Variants in VRK2 observed in about 807,000 individuals in gnomAD.
VRK2 encodes VRK serine/threonine kinase 2, also known as serine/threonine-protein kinase VRK2.
Under a neutral mutation model 57.6 loss-of-function variants are expected in VRK2, and 60 were observed. The ratio of observed to expected loss-of-function variants is 1.04; its 90% CI spans 0.85 to 1.29. The LOEUF is 1.29. VRK2 is among the 50% of genes most tolerant of loss of function. The probability of loss-of-function intolerance (pLI) is 0.00; values close to 1 mark genes in which losing one functional copy is unlikely to be tolerated. For missense variants in VRK2, 705 were observed against 588.1 expected (o/e 1.20, Z -2.06); for synonymous variants, 231 against 199.2 (o/e 1.16, Z -1.35).
At chr2:57,923,128 G>C (rs1245578222) in intron 1 of VRK2, among the ~76,000 whole-genome samples, 1 of 151,938 alleles carries the variant, frequency 6.6e-6, no homozygotes, top group Non-Finnish European at 1.5e-5. Context: ...TCTGCTGATG[G>C]ACACTTAGGT....
At chr2:57,965,789 G>C (rs1360399483) in intron 1 of VRK2, among the ~76,000 whole-genome samples, 1 of 152,100 alleles carries the variant, frequency 6.6e-6, no homozygotes, top group African/African-American at 2.4e-5. Flanking sequence ...GAACTGAGGT[G>C]ATCCAATATA....
intron 9 of VRK2, 61 bp from the exon 10 acceptor site, chr2:58,135,080 T>C: frequency 1.3e-6 from 2 of 1,582,322 alleles, no homozygotes; most frequent in Non-Finnish European, 1.7e-6. Context: ...TTTTGTTTTC[T>C]AGTCAAAATA....
chr2:58,132,017 T>C, intron 9 of VRK2, 89 bp downstream of exon 9: 1 of 1,495,418 alleles, frequency 6.7e-7, no homozygotes, highest in Non-Finnish European at 9.0e-7. Flanking sequence ...AGATTGGCAT[T>C]CACCCAACAT....
chr2:58,112,185 C>T (rs1046695896), intron 7 of VRK2, among the ~76,000 whole-genome samples: 8 of 152,176 alleles, frequency 5.3e-5, no homozygotes, highest in African/African-American at 1.9e-4. Flanking sequence ...TCATCCTTTA[C>T]AAGCTCTGTG....
intron 7 of VRK2, among the ~76,000 whole-genome samples, chr2:58,098,906 T>C (rs1437270433): frequency 6.6e-6 from 1 of 152,110 alleles, no homozygotes; most frequent in African/African-American, 2.4e-5. Context: ...TAATTACAAA[T>C]TTGTGCTTCA....
intron 1 of VRK2, among the ~76,000 whole-genome samples, chr2:58,018,567 G>A (rs1673656095): frequency 6.6e-6 from 1 of 152,050 alleles, no homozygotes; most frequent in African/African-American, 2.4e-5. Context: ...CCTTCTTTAA[G>A]TTATAATACT....
chr2:57,974,273 C>A (rs1672180525), intron 1 of VRK2, among the ~76,000 whole-genome samples: 1 of 151,634 alleles, frequency 6.6e-6, no homozygotes, highest in Non-Finnish European at 1.5e-5. Context: ...TCTTTCTTTC[C>A]AAAATTGTCA....
chr2:58,036,159 T>G (rs1314429029), intron 3 of VRK2, among the ~76,000 whole-genome samples: 1 of 152,020 alleles, frequency 6.6e-6, no homozygotes, highest in African/African-American at 2.4e-5. Flanking sequence ...TGGTCCCAAT[T>G]GTATGACACT....
At chr2:57,937,564 G>A (rs1279106057) in intron 1 of VRK2, among the ~76,000 whole-genome samples, 1 of 152,150 alleles carries the variant, frequency 6.6e-6, no homozygotes, top group East Asian at 1.9e-4. Flanking sequence ...AAATAAATCT[G>A]TCTGTCCTTG....
At chr2:57,971,893 T>A (rs1043404102) in intron 1 of VRK2, among the ~76,000 whole-genome samples, 1 of 151,924 alleles carries the variant, frequency 6.6e-6, no homozygotes, top group Non-Finnish European at 1.5e-5. Context: ...GTAAGATTTT[T>A]AAAAATTATT....
At chr2:58,117,924 G>A (rs1292938134) in intron 7 of VRK2, among the ~76,000 whole-genome samples, 1 of 152,098 alleles carries the variant, frequency 6.6e-6, no homozygotes, top group South Asian at 2.1e-4. Flanking sequence ...GAAGGGGTAG[G>A]GGTTCCTTGC....
chr2:57,991,871 T>C (rs554079988), intron 1 of VRK2, among the ~76,000 whole-genome samples: 2 of 149,828 alleles, frequency 1.3e-5, no homozygotes, highest in Non-Finnish European at 3.0e-5. Flanking sequence ...GACAGGAGAG[T>C]TGCTTGAACT....
chr2:58,153,143 T>C (rs751414017), intron 12 of VRK2, among the ~76,000 whole-genome samples: 7 of 152,060 alleles, frequency 4.6e-5, no homozygotes, highest in Non-Finnish European at 8.8e-5. Flanking sequence ...ATCATATAAA[T>C]CAAATCTTAT....
At chr2:58,118,638 CAGG>C (rs1384169828) in intron 7 of VRK2, among the ~76,000 whole-genome samples, 1 of 152,130 alleles carries the variant, frequency 6.6e-6, no homozygotes, top group Non-Finnish European at 1.5e-5. Flanking sequence ...GAGCAAAGAG[CAGG>C]AGGACAGGGG....
chr2:58,073,459 G>T (rs1669627923), intron 2 of VRK2, among the ~76,000 whole-genome samples: 1 of 151,632 alleles, frequency 6.6e-6, no homozygotes, highest in Non-Finnish European at 1.5e-5. Flanking sequence ...AGTTCTCTTA[G>T]TTTTCACCTC....
At chr2:58,141,278 T>G (rs1458604469) in intron 11 of VRK2, among the ~76,000 whole-genome samples, 4 of 152,024 alleles carry the variant, frequency 2.6e-5, no homozygotes, top group Non-Finnish European at 5.9e-5. Context: ...TTTCATAAAC[T>G]TAATTGAAAT....
intron 1 of VRK2, among the ~76,000 whole-genome samples, chr2:57,991,889 C>T (rs988237466): frequency 6.7e-6 from 1 of 149,160 alleles, no homozygotes; most frequent in African/African-American, 2.5e-5. Context: ...ACTCGGGAGG[C>T]GGAGGTTGCA....
At chr2:58,042,999 T>G (rs905489437), upstream of VRK2, among the ~76,000 whole-genome samples, 3 of 152,198 alleles carry the variant, frequency 2.0e-5, no homozygotes, top group East Asian at 5.8e-4. Context: ...AATTCTGCAT[T>G]AAATCCCAAC....
upstream of VRK2, among the ~76,000 whole-genome samples, chr2:58,042,935 TTC>T (rs1407728498): frequency 5.3e-5 from 8 of 152,214 alleles, no homozygotes; most frequent in Admixed American, 1.3e-4. Context: ...TATTTCTATA[TTC>T]TGTCAGTTTT....
Sources: gnomAD v4.1 joint callset for allele counts (sites outside exome capture counted in the v4.1 genomes callset) on GRCh38, gnomAD v4.1.1 for gene constraint, MANE v1.5 for transcripts, NCBI Gene and HGNC (gene_info 2026-07-23, HGNC 2026-07-21) for gene names.